CAST: variants seen among roughly 807,000 people sequenced by gnomAD.
CAST encodes calpastatin, also known as MIR583 host.
Under a neutral mutation model 119.6 loss-of-function variants are expected in CAST, and 76 were observed. The ratio of observed to expected loss-of-function variants is 0.64; its 90% CI spans 0.53 to 0.77. The LOEUF (loss-of-function observed/expected upper bound fraction) is 0.77. CAST is among the 30% of genes least tolerant of loss of function. CAST has a pLI of 0.00. For synonymous variants in CAST, 319 were observed against 331.6 expected, an observed-to-expected ratio of 0.96 and a Z score of 0.41; for missense variants, 953 against 946.5, an observed-to-expected ratio of 1.01 and a Z score of -0.09.
chr5:96,689,393 C>CTGTAGGTAT (rs1357710773), intron 2 of CAST, among the ~76,000 whole-genome samples: 1 of 152,154 alleles, frequency 6.6e-6, no homozygotes, highest in Non-Finnish European at 1.5e-5. Flanking sequence ...TTCTTTTAAA[C>CTGTAGGTAT]TGTAGGTATT....
At chr5:96,167,438 A>G in the CAST span, among the ~76,000 whole-genome samples, 2 of 152,198 alleles carry the variant, frequency 1.3e-5, no homozygotes, top group Non-Finnish European at 2.9e-5. Context: ...GGGGCCTAAT[A>G]AAAAGGAGTG....
At chr5:96,077,729 T>C in the CAST span, among the ~76,000 whole-genome samples, 2 of 152,184 alleles carry the variant, frequency 1.3e-5, no homozygotes, top group East Asian at 3.9e-4. Flanking sequence ...TGGCTCCCCT[T>C]CTCCTTCTAC....
At chr5:96,402,591 A>C in the CAST span, among the ~76,000 whole-genome samples, 1 of 152,178 alleles carries the variant, frequency 6.6e-6, no homozygotes, top group Non-Finnish European at 1.5e-5. Flanking sequence ...CTCCCTCAGC[A>C]GTGAGATGAC....
intron 1 of CAST, among the ~76,000 whole-genome samples, chr5:96,604,044 C>G (rs261215): frequency 6.6e-6 from 1 of 151,982 alleles, no homozygotes; most frequent in African/African-American, 2.4e-5. Context: ...AGATTACAGG[C>G]GTAAGCCACC....
chr5:96,682,818 A>G (rs1214702516), intron 2 of CAST, among the ~76,000 whole-genome samples: 2 of 151,936 alleles, frequency 1.3e-5, no homozygotes, highest in African/African-American at 4.8e-5. Flanking sequence ...CAGAACATCC[A>G]CTGTATGAAA....
Position 96,737,402 on chromosome 5 carries a change from A to AT in CAST, c.700-442dup, listed in dbSNP as rs1250618707. On this transcript the variant is annotated intron_variant, in intron 10 of 31. Coordinates refer to ENST00000675179, the MANE Select transcript of CAST (RefSeq NM_001750.7). ...TATTTGGAATAGGTACTATATAGAGATTTTTAGGGGTTCTTTGTTTAAAAC... is the reference window on the plus strand; with the variant it reads ...TATTTGGAATAGGTACTATATAGAGATTTTTTAGGGGTTCTTTGTTTAAAAC... Among the ~76,000 whole-genome samples, 3 of 152,292 alleles carry AT rather than the reference A, an allele frequency of 2.0e-5. No individual in the cohort carries two copies. The East Asian group carries it at 5.8e-4, about 29-fold the overall frequency.
chr5:96,294,837 T>C, the CAST span, among the ~76,000 whole-genome samples: 1 of 152,252 alleles, frequency 6.6e-6, no homozygotes, highest in African/African-American at 2.4e-5. Flanking sequence ...TCTCACTTGA[T>C]GTTATTTTCA....
the CAST span, among the ~76,000 whole-genome samples, chr5:96,470,906 A>G: frequency 6.6e-6 from 1 of 152,112 alleles, no homozygotes; most frequent in African/African-American, 2.4e-5. Context: ...ATATACGCAG[A>G]TGTTGCAAAT....
chr5:96,729,011 A>T lies in CAST; in HGVS notation c.379-142A>T, dbSNP rs28042. ...ACCACATGTCTACTTCTGTGATCCT[A>T]AAGAGTGGGCCTGAGTGGGCCTAAG... is the stretch of plus-strand genomic sequence containing the variant. On this transcript the variant is annotated intron_variant, in intron 6 of 31. Transcript: ENST00000675179. 133,183 of 604,120 alleles carry T rather than the reference A, an allele frequency of 0.22. 15,811 individuals are homozygous for T. The highest frequency in any genetic ancestry group is 0.35 in the East Asian group (11,752 of 33,828). 37.4% of individuals were successfully genotyped at this position (604,120 alleles called of 1,614,324 possible).
At chr5:96,365,400 A>G in the CAST span, among the ~76,000 whole-genome samples, 1 of 152,176 alleles carries the variant, frequency 6.6e-6, no homozygotes, top group East Asian at 1.9e-4. Context: ...TGTCTCGTTG[A>G]TCTGTCTAAT....
At chr5:96,049,785 T>C in the CAST span, among the ~76,000 whole-genome samples, 1 of 149,296 alleles carries the variant, frequency 6.7e-6, no homozygotes, top group Non-Finnish European at 1.5e-5. Flanking sequence ...AGGATGGATA[T>C]TGGGGAGTTG....
At chr5:96,584,411 T>C (rs148225132) in intron 1 of CAST, 1 of 152,354 alleles carries the variant, frequency 6.6e-6, no homozygotes, top group Non-Finnish European at 1.5e-5. Flanking sequence ...ACCTAGATGG[T>C]AACCGCCCAT....
the CAST span, among the ~76,000 whole-genome samples, chr5:96,172,187 G>A: frequency 6.6e-6 from 1 of 152,206 alleles, no homozygotes; most frequent in Admixed American, 6.5e-5. Flanking sequence ...AAGGTGCTCA[G>A]TTGGGGAGCC....
chr5:96,095,556 CAAAAAAAAAAAAAAAA>C, the CAST span, among the ~76,000 whole-genome samples: 40 of 57,542 alleles, frequency 7.0e-4, no homozygotes, highest in African/African-American at 2.7e-3. Context: ...GACTCTGTTT[CAAAAAAAAAAAAAAAA>C]AAAAAAAAAA....
chr5:96,388,347 G>T, the CAST span, among the ~76,000 whole-genome samples: 1 of 152,168 alleles, frequency 6.6e-6, no homozygotes, highest in African/African-American at 2.4e-5. Context: ...GGCTGGGCTT[G>T]GTTCCAGAAT....
At chr5:96,148,005 G>A in the CAST span, among the ~76,000 whole-genome samples, 19 of 152,266 alleles carry the variant, frequency 1.2e-4, no homozygotes, top group South Asian at 3.9e-3. Flanking sequence ...TTTCATCATC[G>A]GACTTATTGC....
At chr5:96,604,828 A>G (rs1747222436) in intron 1 of CAST, among the ~76,000 whole-genome samples, 1 of 152,192 alleles carries the variant, frequency 6.6e-6, no homozygotes, top group Admixed American at 6.5e-5. Context: ...TGATATGTAA[A>G]ATTCCTTTAT....
the CAST span, among the ~76,000 whole-genome samples, chr5:96,228,366 C>T: frequency 6.6e-6 from 1 of 152,120 alleles, no homozygotes; most frequent in East Asian, 1.9e-4. Flanking sequence ...TTAATCTGCC[C>T]AAGTTTATAA....
intron 3 of CAST, among the ~76,000 whole-genome samples, chr5:96,713,808 C>T: frequency 6.6e-6 from 1 of 152,068 alleles, no homozygotes; most frequent in East Asian, 1.9e-4. Context: ...AACCCCATCT[C>T]TACTAAAAAT....
Sources: gnomAD v4.1 joint callset for allele counts (sites outside exome capture counted in the v4.1 genomes callset) on GRCh38, gnomAD v4.1.1 for gene constraint, MANE v1.5 for transcripts, NCBI Gene and HGNC (gene_info 2026-07-23, HGNC 2026-07-21) for gene names.